THOC2: variants seen among roughly 807,000 people sequenced by gnomAD.
THOC2 encodes the protein THO complex subunit 2, also known as THO complex 2.
In THOC2, 10 loss-of-function variants were observed where a neutral mutation model predicts 128.4. The observed-to-expected ratio is 0.08, with a 90% CI of 0.05 to 0.13. THOC2 has a LOEUF of 0.13. Ranked by LOEUF, THOC2 falls within the 10% of genes least tolerant of loss-of-function variation. The pLI is 1.00. For missense variants in THOC2, 535 were observed against 1,155.7 expected, an observed-to-expected ratio of 0.46 and a Z score of 7.79; for synonymous variants, 393 against 396.9, an observed-to-expected ratio of 0.99 and a Z score of 0.12.
At chrX:123,623,501 C>CT (rs61439088) in intron 28 of THOC2, 116,118 of 440,670 alleles carry the variant, frequency 0.26, 7,116 homozygotes, top group African/African-American at 0.48. Flanking sequence ...ACTAAGATGG[C>CT]TTTTTTTTTT....
chrX:123,622,410 A>T (rs2047119534), intron 30 of THOC2, among the ~76,000 whole-genome samples: 1 of 112,688 alleles, frequency 8.9e-6, no homozygotes, highest in African/African-American at 3.2e-5. Context: ...CAAAGTCGTT[A>T]TACAAGCATA....
chrX:123,648,527 C>T (rs1285615200), intron 12 of THOC2, among the ~76,000 whole-genome samples: 1 of 112,025 alleles, frequency 8.9e-6, no homozygotes, highest in Non-Finnish European at 1.9e-5. Context: ...TCAGCAGATC[C>T]CACCCCCACG....
intron 2 of THOC2, among the ~76,000 whole-genome samples, chrX:123,708,950 T>A (rs899194995): frequency 4.5e-5 from 5 of 111,589 alleles, no homozygotes; most frequent in African/African-American, 1.6e-4. Flanking sequence ...TTTCACCATG[T>A]TGACCCGGCT....
In THOC2 at chrX:123,628,387, G is replaced by C. The variant is rs77472998; in HGVS notation, c.2482-419C>G. The stretch of plus-strand genomic sequence containing the variant: ...TTAACATGAGAAAAGAGGAAGAATG[G>C]AACTAGTAATAGCCAACTAGGACAG... On this transcript the variant is annotated intron_variant, in intron 22 of 38. Transcript: ENST00000245838. Among the ~76,000 whole-genome samples the C allele has an allele frequency of 2.7e-4, 30 of 111,752 alleles. No homozygotes were observed. In the South Asian group the frequency reaches 6.8e-3, roughly 25 times the overall value.
chrX:123,607,927 A>C (rs1317080169), intron 38 of THOC2, among the ~76,000 whole-genome samples: 1 of 109,835 alleles, frequency 9.1e-6, no homozygotes, highest in Non-Finnish European at 1.9e-5. Flanking sequence ...AATGTATCCA[A>C]ATAGAAAGTA....
Position 123,638,750 on chromosome X carries a change from A to ACACT in THOC2, c.1840+183_1840+184insAGTG, listed in dbSNP as rs1439028703. ...CGTACACACACACACACACACACACACTCTCTCTCTCTCTCACATACACAC... is the reference window on the plus strand; with the variant it reads ...CGTACACACACACACACACACACACACACTCTCTCTCTCTCTCTCACATACACAC... On this transcript the variant is annotated intron_variant, in intron 17 of 38. Coordinates refer to ENST00000245838, the MANE Select transcript of THOC2 (RefSeq NM_001081550.2). Among the ~76,000 whole-genome samples, 376 of 99,187 alleles carry ACACT rather than the reference A, an allele frequency of 3.8e-3. 3 individuals are homozygous for ACACT. Among genetic ancestry groups the ACACT allele is most frequent in the African/African-American group, 0.013 (356 of 26,685 alleles). The allele number at this position is 99,187 out of a possible 115,157, so 86.1% of individuals were successfully genotyped here.
At chrX:123,608,809 G>T (rs965818367) in intron 38 of THOC2, among the ~76,000 whole-genome samples, 16 of 112,147 alleles carry the variant, frequency 1.4e-4, no homozygotes, top group African/African-American at 4.5e-4. Flanking sequence ...AGAAAGTATC[G>T]TACAAAGTTG....
intron 1 of THOC2, among the ~76,000 whole-genome samples, chrX:123,724,677 T>C (rs1452216372): frequency 9.0e-6 from 1 of 111,022 alleles, no homozygotes; most frequent in South Asian, 3.9e-4. Context: ...AGAGCGAGAC[T>C]CTGTCTCAGA....
At chrX:123,604,792 T>C (rs982825668) in intron 38 of THOC2, among the ~76,000 whole-genome samples, 1 of 111,715 alleles carries the variant, frequency 9.0e-6, no homozygotes, top group African/African-American at 3.3e-5. Context: ...CCCACCAAAA[T>C]AATATATTAT....
At chrX:123,695,929 G>T in intron 7 of THOC2, 92 bp downstream of exon 7, 1 of 582,988 alleles carries the variant, frequency 1.7e-6, no homozygotes, top group East Asian at 4.1e-5. Flanking sequence ...AAAAATAGAT[G>T]GAATGCACTC....
chrX:123,691,541 ATT>A (rs1366778090), intron 7 of THOC2, among the ~76,000 whole-genome samples: 1 of 111,721 alleles, frequency 9.0e-6, no homozygotes, highest in Non-Finnish European at 1.9e-5. Context: ...TTAAGGATTT[ATT>A]TTGTTTTTAA....
At chrX:123,700,561 GT>G (rs2050661401) in intron 4 of THOC2, among the ~76,000 whole-genome samples, 4 of 64,841 alleles carry the variant, frequency 6.2e-5, no homozygotes, top group African/African-American at 2.3e-4. Flanking sequence ...GGGTGGGGGG[GT>G]GGGGAGGAAG....
intron 38 of THOC2, among the ~76,000 whole-genome samples, chrX:123,609,890 G>A (rs780708863): frequency 6.2e-4 from 68 of 110,029 alleles, no homozygotes; most frequent in Non-Finnish European, 9.5e-4. Flanking sequence ...TTAGCCGGGC[G>A]CGGTGGCAGG....
chrX:123,637,832 A>G (rs904711449), intron 18 of THOC2, among the ~76,000 whole-genome samples: 8 of 112,004 alleles, frequency 7.1e-5, no homozygotes, highest in Non-Finnish European at 1.1e-4. Context: ...ATCACAGTCA[A>G]TAATGGTCTC....
chrX:123,680,748 T>C (rs1238542921), intron 8 of THOC2, among the ~76,000 whole-genome samples: 3 of 111,409 alleles, frequency 2.7e-5, no homozygotes. Context: ...TACCTGAAAT[T>C]TTCCCTAAGT....
At chrX:123,713,229 T>C (rs1234093690) in intron 1 of THOC2, among the ~76,000 whole-genome samples, 2 of 111,837 alleles carry the variant, frequency 1.8e-5, no homozygotes, top group African/African-American at 6.5e-5. Context: ...TCCTAGCACT[T>C]TGGAAGGCCA....
Position 123,619,036 on chromosome X carries a change from G to T in THOC2, c.4311+365C>A, listed in dbSNP as rs779005425. 3.6e-5 allele frequency among the ~76,000 whole-genome samples: 4 copies of T among 111,845 alleles called. No homozygotes were observed. In the South Asian group the frequency reaches 1.5e-3, roughly 41 times the overall value. On this transcript the variant is annotated intron_variant, in intron 33 of 38. Transcript: ENST00000245838. The stretch of plus-strand genomic sequence containing the variant: ...GGTTGTCTAAACAGTCAGACAGCCT[G>T]GCAGATTTGTTTTGAAAAATTAAAT...
rs1327178985 is a variant in THOC2 at position 123,671,098 on chromosome X, C to T, written c.861+571G>A. 5.4e-5 allele frequency among the ~76,000 whole-genome samples: 6 copies of T among 111,564 alleles called. No homozygotes were observed. In the East Asian group the frequency reaches 1.7e-3, roughly 31 times the overall value. On this transcript the variant is annotated intron_variant, in intron 9 of 38. Coordinates refer to ENST00000245838, the MANE Select transcript of THOC2 (RefSeq NM_001081550.2). ...TTTTTGTTAAACTAGAGGTCATCTG[C>T]CACAATCATGAACTCTTCTACATCC... is the stretch of plus-strand genomic sequence containing the variant.
At chrX:123,645,416 T>A in intron 12 of THOC2, 41 bp from the exon 13 acceptor site, 1 of 845,505 alleles carries the variant, frequency 1.2e-6, no homozygotes, top group Non-Finnish European at 1.7e-6. Flanking sequence ...ACAAAAAGGT[T>A]AAGATTATGA....
Sources: gnomAD v4.1 joint callset for allele counts (sites outside exome capture counted in the v4.1 genomes callset) on GRCh38, gnomAD v4.1.1 for gene constraint, MANE v1.5 for transcripts, NCBI Gene and HGNC (gene_info 2026-07-23, HGNC 2026-07-21) for gene names.